KCNB2: variants seen among roughly 807,000 people sequenced by gnomAD.
The protein encoded by KCNB2 is potassium voltage-gated channel subfamily B member 2.
KCNB2 carries 15 observed loss-of-function variants against 61.5 expected under a neutral mutation model. The ratio of observed to expected loss-of-function variants is 0.24; its 90% CI spans 0.16 to 0.38. The LOEUF (loss-of-function observed/expected upper bound fraction) is 0.38. KCNB2 is among the 10% of genes least tolerant of loss of function. The pLI is 1.00. For synonymous variants in KCNB2, 457 were observed against 446.0 expected, an observed-to-expected ratio of 1.02 and a Z score of -0.31; for missense variants, 828 against 1,125.2, an observed-to-expected ratio of 0.74 and a Z score of 3.78.
At chr8:72,559,975 C>T (rs1806488761) in intron 1 of KCNB2, among the ~76,000 whole-genome samples, 1 of 152,136 alleles carries the variant, frequency 6.6e-6, no homozygotes, top group Non-Finnish European at 1.5e-5. Context: ...TCTAAACTCC[C>T]TTCTGCCACA....
chr8:72,924,789 T>C (rs1404438743), intron 2 of KCNB2, among the ~76,000 whole-genome samples: 2 of 152,200 alleles, frequency 1.3e-5, no homozygotes, highest in Non-Finnish European at 2.9e-5. Context: ...TTGTCTGTGA[T>C]GCTTAGCTTC....
At chr8:72,844,991 G>A (rs55915310) in intron 2 of KCNB2, among the ~76,000 whole-genome samples, 33,810 of 152,126 alleles carry the variant, frequency 0.22, 4,162 homozygotes, top group Non-Finnish European at 0.28. Flanking sequence ...CTGGTGAGGA[G>A]TTGTGATCTT....
In KCNB2 at chr8:72,910,280, G is replaced by A. The variant is rs564712534; in HGVS notation, c.580-25655G>A. On this transcript the variant is annotated intron_variant, in intron 2 of 2. Transcript: ENST00000523207. Reference sequence around the variant, plus strand: ...ATCTTTATTGGTGGCAGTGGTGGTAGTGCCGGTAGTGGGATAGTGTTGGTG... The same window carrying A: ...ATCTTTATTGGTGGCAGTGGTGGTAATGCCGGTAGTGGGATAGTGTTGGTG... 6.6e-5 allele frequency among the ~76,000 whole-genome samples: 10 copies of A among 152,306 alleles called. No homozygotes were observed. The East Asian group carries it at 1.7e-3, about 26-fold the overall frequency.
chr8:72,667,554 A>G (rs991341379), intron 2 of KCNB2, among the ~76,000 whole-genome samples: 1 of 152,122 alleles, frequency 6.6e-6, no homozygotes, highest in Non-Finnish European at 1.5e-5. Flanking sequence ...CCTAGGAATC[A>G]TCTGTGATTC....
chr8:72,933,438 C>G (rs895484528), intron 2 of KCNB2, among the ~76,000 whole-genome samples: 1 of 152,188 alleles, frequency 6.6e-6, no homozygotes, highest in Non-Finnish European at 1.5e-5. Context: ...GTGATAAACA[C>G]ATGTCAGTAA....
intron 2 of KCNB2, among the ~76,000 whole-genome samples, chr8:72,633,586 C>A (rs753011588): frequency 6.6e-6 from 1 of 152,132 alleles, no homozygotes; most frequent in Non-Finnish European, 1.5e-5. Context: ...TCTGTTTTCT[C>A]TTAGAAGACT....
intron 2 of KCNB2, among the ~76,000 whole-genome samples, chr8:72,925,742 G>A (rs1474554768): frequency 6.6e-6 from 1 of 152,166 alleles, no homozygotes; most frequent in Non-Finnish European, 1.5e-5. Flanking sequence ...CCATTACTGG[G>A]TTTATACGCA....
chr8:72,612,718 TCTGAATGCTA>T (rs1236175995), intron 2 of KCNB2, among the ~76,000 whole-genome samples: 8 of 152,124 alleles, frequency 5.3e-5, no homozygotes, highest in African/African-American at 1.9e-4. Context: ...AAAATGGACA[TCTGAATGCTA>T]CTGGATGAAA....
chr8:72,755,796 A>G (rs1263081573), intron 2 of KCNB2, among the ~76,000 whole-genome samples: 2 of 152,202 alleles, frequency 1.3e-5, no homozygotes, highest in Admixed American at 1.3e-4. Context: ...GAAACTTTCC[A>G]TTCTTGAAAG....
chr8:72,638,185 G>A (rs1288937800), intron 2 of KCNB2, among the ~76,000 whole-genome samples: 1 of 151,964 alleles, frequency 6.6e-6, no homozygotes, highest in Non-Finnish European at 1.5e-5. Context: ...ACTCTGTAAG[G>A]GATCATTTAA....
intron 2 of KCNB2, among the ~76,000 whole-genome samples, chr8:72,906,938 A>G (rs1453420292): frequency 6.6e-6 from 1 of 152,218 alleles, no homozygotes; most frequent in African/African-American, 2.4e-5. Context: ...AAATAAATCA[A>G]TGTTTATTTG....
At chr8:72,655,773 C>T (rs1198314424) in intron 2 of KCNB2, among the ~76,000 whole-genome samples, 2 of 151,996 alleles carry the variant, frequency 1.3e-5, no homozygotes, top group Non-Finnish European at 2.9e-5. Context: ...GGAAATTTCA[C>T]CAGTCACATT....
chr8:72,785,976 G>A (rs1485364261), intron 2 of KCNB2, among the ~76,000 whole-genome samples: 1 of 148,742 alleles, frequency 6.7e-6, no homozygotes, highest in Non-Finnish European at 1.5e-5. Context: ...GTGACTTGAA[G>A]ACACAGAAAG....
At chr8:72,749,536 C>A (rs921027600) in intron 2 of KCNB2, 26 of 151,740 alleles carry the variant, frequency 1.7e-4, no homozygotes, top group Admixed American at 1.6e-3. Flanking sequence ...CTTTGCCCAT[C>A]TCAGCAAAGG....
chr8:72,686,115 C>CT (rs764433202), intron 2 of KCNB2, among the ~76,000 whole-genome samples: 80 of 152,132 alleles, frequency 5.3e-4, no homozygotes, highest in Non-Finnish European at 9.9e-4. Flanking sequence ...CCAATCCTTT[C>CT]TTTTTTTTGA....
chr8:72,926,708 A>T (rs1806656421), intron 2 of KCNB2, among the ~76,000 whole-genome samples: 2 of 152,204 alleles, frequency 1.3e-5, no homozygotes, highest in South Asian at 4.1e-4. Context: ...ATTTTATCAT[A>T]AACTTGGGAA....
chr8:72,836,652 T>G (rs1414591283), intron 2 of KCNB2, among the ~76,000 whole-genome samples: 1 of 152,330 alleles, frequency 6.6e-6, no homozygotes, highest in East Asian at 1.9e-4. Flanking sequence ...GGCTCACACT[T>G]GTAATCCCAG....
At chr8:72,588,113 T>G (rs984710335) in intron 2 of KCNB2, among the ~76,000 whole-genome samples, 5 of 152,230 alleles carry the variant, frequency 3.3e-5, no homozygotes, top group African/African-American at 1.2e-4. Context: ...CTGAAAGTTC[T>G]GTCTTCCTCA....
intron 2 of KCNB2, among the ~76,000 whole-genome samples, chr8:72,862,604 AG>A (rs2129004136): frequency 6.6e-6 from 1 of 152,350 alleles, no homozygotes; most frequent in African/African-American, 2.4e-5. Context: ...AAAATTATAA[AG>A]GACAGGAGTT....
Sources: allele counts gnomAD v4.1 joint callset (sites outside exome capture counted in the v4.1 genomes callset), GRCh38; gene constraint gnomAD v4.1.1; transcripts MANE v1.5; gene names NCBI Gene and HGNC (gene_info 2026-07-23, HGNC 2026-07-21).